Variants in PKP4 observed in about 807,000 individuals in gnomAD.
The protein encoded by PKP4 is plakophilin 4.
In PKP4, 90 loss-of-function variants were observed where a neutral mutation model predicts 145.1. That is an observed-to-expected ratio of 0.62 (90% CI 0.52 to 0.74). PKP4 has a LOEUF of 0.74. Ranked by LOEUF, PKP4 falls within the 30% of genes least tolerant of loss-of-function variation. The pLI is 0.00. For missense variants in PKP4, 1,340 were observed against 1,482.7 expected (o/e 0.90, Z 1.58); for synonymous variants, 563 against 577.2 (o/e 0.98, Z 0.35).
At chr2:158,536,818 G>A (rs1365019130) in intron 2 of PKP4, among the ~76,000 whole-genome samples, 2 of 152,174 alleles carry the variant, frequency 1.3e-5, no homozygotes, top group African/African-American at 2.4e-5. Flanking sequence ...GTGTTCAAAC[G>A]CTGCGTTTTT....
intron 1 of PKP4, among the ~76,000 whole-genome samples, chr2:158,466,360 A>G (rs1269397697): frequency 1.3e-5 from 2 of 152,166 alleles, no homozygotes; most frequent in African/African-American, 4.8e-5. Context: ...CTTTTCTAAT[A>G]CAACTTGCTA....
chr2:158,666,605 C>T (rs765457717), intron 16 of PKP4, 42 bp downstream of exon 16: 4 of 1,522,664 alleles, frequency 2.6e-6, no homozygotes, highest in Non-Finnish European at 3.5e-6. Flanking sequence ...GTGAGAGCAG[C>T]TACAAAATTC....
At chr2:158,653,576 G>C (rs1344089539) in intron 11 of PKP4, among the ~76,000 whole-genome samples, 2 of 152,170 alleles carry the variant, frequency 1.3e-5, no homozygotes, top group Non-Finnish European at 2.9e-5. Context: ...ATATGCATGA[G>C]ACTCCCTAAT....
intron 3 of PKP4, among the ~76,000 whole-genome samples, chr2:158,587,947 T>G (rs7566874): frequency 0.91 from 137,613 of 151,302 alleles, 62,664 homozygotes; most frequent in East Asian, 0.97. Context: ...CATCAAAGAT[T>G]GTAGGTGTAG....
intron 2 of PKP4, among the ~76,000 whole-genome samples, chr2:158,549,696 T>A (rs1042442031): frequency 1.4e-4 from 22 of 152,156 alleles, no homozygotes; most frequent in African/African-American, 5.3e-4. Flanking sequence ...TATTTTAATC[T>A]TCCGTGTTGA....
At chr2:158,668,424 A>T (rs2057296802) in intron 16 of PKP4, among the ~76,000 whole-genome samples, 1 of 152,294 alleles carries the variant, frequency 6.6e-6, no homozygotes, top group Admixed American at 6.5e-5. Flanking sequence ...GCAAAGTTTT[A>T]TCACTTCATA....
chr2:158,669,930 A>G lies in PKP4; in HGVS notation c.2924+15A>G, dbSNP rs1449498371. On this transcript the variant is annotated intron_variant, in intron 17 of 21. Coordinates refer to ENST00000389759, the MANE Select transcript of PKP4 (RefSeq NM_003628.6). ...AGGGGCGACAGGCAAGTCTGCGGCA[A>G]GGAGGTGCAAGCAGTGCTCTTATTC... is the stretch of plus-strand genomic sequence containing the variant. The G allele has an allele frequency of 3.1e-6, 5 of 1,597,160 alleles. No individual in the cohort carries two copies. Among genetic ancestry groups the G allele is most frequent in the African/African-American group, 1.3e-5 (1 of 74,766 alleles).
chr2:158,565,827 C>A (rs1415922458), intron 2 of PKP4, among the ~76,000 whole-genome samples: 1 of 152,140 alleles, frequency 6.6e-6, no homozygotes, highest in African/African-American at 2.4e-5. Context: ...TCTTTCTTAA[C>A]CTTCTTTCCG....
At chr2:158,668,873 G>A (rs2057338588) in intron 16 of PKP4, among the ~76,000 whole-genome samples, 1 of 152,178 alleles carries the variant, frequency 6.6e-6, no homozygotes, top group Non-Finnish European at 1.5e-5. Flanking sequence ...TTAGCATAGG[G>A]GAGAACTAAG....
intron 3 of PKP4, among the ~76,000 whole-genome samples, chr2:158,589,976 T>A (rs2049115628): frequency 6.6e-6 from 1 of 152,200 alleles, no homozygotes. Context: ...GTACATGGCA[T>A]GTCTGCCTAG....
rs1323318474 is a variant in PKP4, at chr2:158,680,526, A to G, written c.3428A>G (p.Tyr1143Cys). Residue 1143 changes from tyrosine to cysteine, a missense_variant, in exon 22 of 22, where the codon TAT (tyrosine) becomes TGT (cysteine). Transcript: ENST00000389759. ...LQSPHSYEDP[Y>C]FDDRVHFPAS... ...TCTCCTCATAGCTATGAAGATCCTT[A>G]TTTTGATGACCGAGTTCACTTTCCA... 1.2e-6 allele frequency: 2 copies of G among 1,614,058 alleles called. No individual in the cohort carries two copies. The highest frequency in any genetic ancestry group is 4.5e-5 in the East Asian group (2 of 44,872).
chr2:158,595,538 G>A (rs2049652945), intron 3 of PKP4, among the ~76,000 whole-genome samples: 1 of 152,042 alleles, frequency 6.6e-6, no homozygotes, highest in Non-Finnish European at 1.5e-5. Flanking sequence ...AGAAACTAAT[G>A]GAATATTTTA....
intron 11 of PKP4, among the ~76,000 whole-genome samples, chr2:158,649,275 C>T (rs541632277): frequency 3.9e-4 from 59 of 152,238 alleles, no homozygotes; most frequent in African/African-American, 1.3e-3. Flanking sequence ...GATGTCCAGG[C>T]TGGAGGTGTT....
intron 9 of PKP4, among the ~76,000 whole-genome samples, chr2:158,636,525 C>T (rs114302569): frequency 1.3e-5 from 2 of 152,182 alleles, no homozygotes; most frequent in Non-Finnish European, 2.9e-5. Flanking sequence ...GCTTAGGGTT[C>T]ACTGAGATTC....
intron 4 of PKP4, among the ~76,000 whole-genome samples, chr2:158,619,944 C>T (rs879406400): frequency 2.1e-4 from 10 of 46,592 alleles, no homozygotes; most frequent in Non-Finnish European, 4.1e-4. Flanking sequence ...CACACACACA[C>T]GCACACACAC....
rs541060430 is a variant in PKP4 at position 158,655,435 on chromosome 2, A to G, written c.1910-2696A>G. Among the ~76,000 whole-genome samples the G allele has an allele frequency of 1.1e-4, 17 of 152,366 alleles. No individual in the cohort carries two copies. In the South Asian group the frequency reaches 3.3e-3, roughly 30 times the overall value. On this transcript the variant is annotated intron_variant, in intron 11 of 21. Coordinates refer to ENST00000389759, the MANE Select transcript of PKP4 (RefSeq NM_003628.6). ...AAAAAAACAGGTTTTTCTGACTGCA[A>G]TCAGAGAATTTCTAGGCATCAACTC...
At chr2:158,471,851 GAAAAAT>G (rs1342654557) in intron 1 of PKP4, among the ~76,000 whole-genome samples, 1 of 152,072 alleles carries the variant, frequency 6.6e-6, no homozygotes, top group Non-Finnish European at 1.5e-5. Context: ...TCTGATTATT[GAAAAAT>G]TAAACATGCC....
chr2:158,663,274 G>T lies in PKP4; in HGVS notation c.2406G>T (p.Trp802Cys), dbSNP rs1353342082. 5.6e-6 allele frequency: 9 copies of T among 1,611,852 alleles called. No homozygotes were observed. The highest frequency in any genetic ancestry group is 2.2e-5 in the East Asian group (1 of 44,874). ...KKKRTPQEDQ[W>C]DGVGPIPGLS... ...AACGTGTGCTGTTTGTCTTTCAGTG[G>T]GATGGAGTTGGTCCTATCCCAGGAC... Residue 802 changes from tryptophan to cysteine, a missense_variant and splice_region_variant, in exon 15 of 22, where the codon TGG becomes TGT. Trp to Cys is a radical substitution (Grantham distance 215). Coordinates refer to ENST00000389759, the MANE Select transcript of PKP4 (RefSeq NM_003628.6).
chr2:158,675,961 TAAGAAA>T (rs2057971153), intron 19 of PKP4, among the ~76,000 whole-genome samples: 1 of 152,130 alleles, frequency 6.6e-6, no homozygotes. Flanking sequence ...ATTTTTTTAA[TAAGAAA>T]AAGAAAAAAT....
Sources: gnomAD v4.1 joint callset for allele counts (sites outside exome capture counted in the v4.1 genomes callset) on GRCh38, gnomAD v4.1.1 for gene constraint, MANE v1.5 for transcripts, NCBI Gene and HGNC (gene_info 2026-07-23, HGNC 2026-07-21) for gene names.